The following DLG2 variants were observed in gnomAD, a reference collection of about 807,000 sequenced individuals.
DLG2 encodes the protein discs large MAGUK scaffold protein 2.
A neutral mutation model predicts 132.5 loss-of-function variants in DLG2; 45 were observed. The ratio of observed to expected loss-of-function variants is 0.34; its 90% CI spans 0.27 to 0.44. The LOEUF is 0.44. Ranked by LOEUF, DLG2 falls within the 20% of genes least tolerant of loss-of-function variation. The pLI is 1.00. For synonymous variants in DLG2, 424 were observed against 419.6 expected (o/e 1.01, Z -0.13); for missense variants, 1,045 against 1,196.9 (o/e 0.87, Z 1.87).
chr11:85,003,030 A>T (rs1340361373), intron 6 of DLG2, among the ~76,000 whole-genome samples: 1 of 152,134 alleles, frequency 6.6e-6, no homozygotes, highest in Non-Finnish European at 1.5e-5. Flanking sequence ...GAAGGCTTCC[A>T]GTCAAATACT....
At chr11:85,400,770 T>C (rs1342303216) in intron 3 of DLG2, among the ~76,000 whole-genome samples, 1 of 147,452 alleles carries the variant, frequency 6.8e-6, no homozygotes, top group Admixed American at 6.8e-5. Flanking sequence ...CATCACACTC[T>C]GGAGACTGTT....
chr11:83,633,418 G>A, intron 18 of DLG2, 93 bp from the exon 19 acceptor site: 4 of 986,856 alleles, frequency 4.1e-6, no homozygotes, highest in Non-Finnish European at 6.3e-6. Context: ...CCACGTTGTT[G>A]GTTCCTTTGC....
chr11:85,448,173 A>G (rs998794980), intron 3 of DLG2, among the ~76,000 whole-genome samples: 12 of 152,166 alleles, frequency 7.9e-5, no homozygotes, highest in Non-Finnish European at 1.3e-4. Flanking sequence ...ATGAGGAATA[A>G]TTTTCCTGCT....
At chr11:84,853,533 T>C (rs1417703296) in intron 6 of DLG2, among the ~76,000 whole-genome samples, 1 of 152,032 alleles carries the variant, frequency 6.6e-6, no homozygotes, top group South Asian at 2.1e-4. Context: ...CATTCCAATT[T>C]CAGTTTATCT....
At chr11:85,070,818 A>G (rs1316039230) in intron 6 of DLG2, among the ~76,000 whole-genome samples, 1 of 151,824 alleles carries the variant, frequency 6.6e-6, no homozygotes, top group African/African-American at 2.4e-5. Flanking sequence ...CTAAAATCTC[A>G]TAGCATTTTC....
At chr11:83,828,190 C>T (rs905895757) in intron 17 of DLG2, among the ~76,000 whole-genome samples, 1 of 152,088 alleles carries the variant, frequency 6.6e-6, no homozygotes, top group South Asian at 2.1e-4. Flanking sequence ...CGTTACTTCC[C>T]TTTTCTGTAT....
intron 7 of DLG2, among the ~76,000 whole-genome samples, chr11:84,337,262 C>A (rs980729206): frequency 3.3e-5 from 5 of 152,164 alleles, no homozygotes; most frequent in South Asian, 4.1e-4. Flanking sequence ...TAAAAGAGAA[C>A]CCAGGATCCA....
intron 16 of DLG2, among the ~76,000 whole-genome samples, chr11:83,853,807 C>G (rs145655329): frequency 3.0e-4 from 46 of 152,204 alleles, no homozygotes; most frequent in African/African-American, 1.1e-3. Context: ...AGCTTTCCCA[C>G]TAAGATCAGA....
intron 2 of DLG2, among the ~76,000 whole-genome samples, chr11:85,599,043 C>T (rs549784105): frequency 3.3e-5 from 5 of 152,238 alleles, no homozygotes; most frequent in African/African-American, 9.6e-5. Context: ...ATCCTGGCCA[C>T]GATGTTCAAG....
chr11:85,321,117 T>C (rs974044376), intron 3 of DLG2, among the ~76,000 whole-genome samples: 17 of 151,878 alleles, frequency 1.1e-4, no homozygotes, highest in African/African-American at 4.1e-4. Context: ...ATGAGGGTAA[T>C]AATGGACAAA....
intron 7 of DLG2, among the ~76,000 whole-genome samples, chr11:84,460,798 T>C (rs1316164872): frequency 1.3e-5 from 2 of 150,662 alleles, no homozygotes; most frequent in Non-Finnish European, 3.0e-5. Context: ...ATAAGACAGG[T>C]GAGGTTCTTG....
At chr11:83,558,681 C>G (rs2096560453) in intron 19 of DLG2, among the ~76,000 whole-genome samples, 2 of 152,192 alleles carry the variant, frequency 1.3e-5, no homozygotes, top group African/African-American at 4.8e-5. Flanking sequence ...GGACTTGCCA[C>G]TGTATCTCTA....
At chr11:84,811,078 T>G (rs551367795) in intron 6 of DLG2, among the ~76,000 whole-genome samples, 249 of 152,234 alleles carry the variant, frequency 1.6e-3, no homozygotes, top group African/African-American at 5.8e-3. Flanking sequence ...GTTAAGGGTA[T>G]AGGGGATCTA....
chr11:84,369,510 T>C (rs2098697555), intron 7 of DLG2, among the ~76,000 whole-genome samples: 1 of 152,112 alleles, frequency 6.6e-6, no homozygotes, highest in Admixed American at 6.6e-5. Flanking sequence ...ACTTGTTCAA[T>C]GTCATACAAA....
chr11:83,890,746 T>C (rs1288999266), intron 15 of DLG2, among the ~76,000 whole-genome samples: 1 of 152,148 alleles, frequency 6.6e-6, no homozygotes, highest in Non-Finnish European at 1.5e-5. Context: ...TTGAAATTAC[T>C]TCCCAGGAAG....
chr11:85,334,762 A>T (rs903719635), intron 3 of DLG2, among the ~76,000 whole-genome samples: 1 of 152,022 alleles, frequency 6.6e-6, no homozygotes, highest in Admixed American at 6.5e-5. Flanking sequence ...ATTAATTTCC[A>T]TTGTTATTTC....
chr11:83,482,842 G>A (rs2137402433), intron 22 of DLG2, among the ~76,000 whole-genome samples: 1 of 152,266 alleles, frequency 6.6e-6, no homozygotes, highest in Middle Eastern at 3.4e-3. Flanking sequence ...ATATTTCCAT[G>A]TGAAAAGGCA....
rs397848695 is a variant in DLG2 at position 84,090,414 on chromosome 11, C to CAAA, written c.749+8506_749+8508dup. Among the ~76,000 whole-genome samples, 279 of 78,374 alleles carry CAAA rather than the reference C, an allele frequency of 3.6e-3. 1 individual carries two copies. Among genetic ancestry groups the CAAA allele is most frequent in the African/African-American group, 9.1e-3 (184 of 20,196 alleles). The allele number at this position is 78,374 out of a possible 152,430, so 51.4% of individuals were successfully genotyped here. On this transcript the variant is annotated intron_variant, in intron 10 of 27. Coordinates refer to ENST00000376104, the MANE Select transcript of DLG2 (RefSeq NM_001142699.3). Reference sequence around the variant, plus strand: ...GGGTGACAAGAGTGAGATTTCATCTCAAAAAAAAAAAAAAAAAAAAAAGAT... The same window carrying CAAA: ...GGGTGACAAGAGTGAGATTTCATCTCAAAAAAAAAAAAAAAAAAAAAAAAAGAT...
intron 3 of DLG2, among the ~76,000 whole-genome samples, chr11:85,398,074 CTG>C (rs761561868): frequency 5.9e-4 from 90 of 152,310 alleles, no homozygotes; most frequent in Non-Finnish European, 1.1e-3. Flanking sequence ...TCACAACAAA[CTG>C]TCTCTCAGAC....
Sources: allele counts gnomAD v4.1 joint callset (sites outside exome capture counted in the v4.1 genomes callset), GRCh38; gene constraint gnomAD v4.1.1; transcripts MANE v1.5; gene names NCBI Gene and HGNC (gene_info 2026-07-23, HGNC 2026-07-21).